SPRED1: variants seen among roughly 807,000 people sequenced by gnomAD.
The protein encoded by SPRED1 is sprouty-related, EVH1 domain-containing protein 1.
SPRED1 carries 18 observed loss-of-function variants against 52.3 expected under a neutral mutation model. The observed-to-expected ratio is 0.34, with a 90% CI of 0.24 to 0.51. The LOEUF (loss-of-function observed/expected upper bound fraction) is 0.51. Among genes scored for constraint, SPRED1 ranks in the 20% least tolerant of loss-of-function variants. The pLI, the probability that SPRED1 is intolerant of heterozygous loss-of-function variation, is 0.97. For missense variants in SPRED1, 485 were observed against 551.0 expected, an observed-to-expected ratio of 0.88 and a Z score of 1.20; for synonymous variants, 155 against 179.7, an observed-to-expected ratio of 0.86 and a Z score of 1.10.
intron 2 of SPRED1, among the ~76,000 whole-genome samples, chr15:38,311,533 A>G (rs1895367612): frequency 6.6e-6 from 1 of 152,174 alleles, no homozygotes; most frequent in Non-Finnish European, 1.5e-5. Context: ...AGAATTTTTC[A>G]TTGAAACTAT....
chr15:38,301,659 T>A (rs897173683), intron 2 of SPRED1, among the ~76,000 whole-genome samples: 2 of 152,150 alleles, frequency 1.3e-5, no homozygotes, highest in African/African-American at 4.8e-5. Flanking sequence ...GACGGTGATA[T>A]TGAAATGAGA....
At chr15:38,289,476 G>A (rs1894877388) in intron 1 of SPRED1, among the ~76,000 whole-genome samples, 1 of 151,072 alleles carries the variant, frequency 6.6e-6, no homozygotes, top group Non-Finnish European at 1.5e-5. Context: ...CCCCAAAGAT[G>A]GCCTTGCCCT....
At chr15:38,326,186 G>A (rs1254720072) in intron 4 of SPRED1, 1 of 152,236 alleles carries the variant, frequency 6.6e-6, no homozygotes. Flanking sequence ...TTATTTAGTG[G>A]CTGAAAGCTT....
intron 2 of SPRED1, among the ~76,000 whole-genome samples, chr15:38,316,748 G>GTTTT (rs1555390721): frequency 1.7e-4 from 7 of 41,896 alleles, no homozygotes; most frequent in East Asian, 1.5e-3. Context: ...TCCATTATAT[G>GTTTT]TTTTTTTTTT....
In SPRED1 at chr15:38,357,165, A is replaced by G. The variant is rs1182481111; in HGVS notation, c.*5501A>G. On this transcript the variant is annotated 3_prime_UTR_variant, in exon 7 of 7. Transcript: ENST00000299084. ...AAGCTGTAGTCACTCTTTAAATTGA[A>G]CTGCTCTAAGATTTGCAGTTTTAGT... The G allele has an allele frequency of 2.0e-5, 3 of 152,234 alleles. No homozygotes were observed. Among genetic ancestry groups the G allele is most frequent in the South Asian group, 2.1e-4 (1 of 4,832 alleles). 9.4% of individuals were successfully genotyped at this position (152,234 alleles called of 1,614,324 possible). A position where few individuals can be genotyped will look rare whatever the true frequency, so the allele number is the denominator to read the frequency against.
intron 1 of SPRED1, among the ~76,000 whole-genome samples, chr15:38,277,947 T>C (rs1347069207): frequency 6.6e-6 from 1 of 152,272 alleles, no homozygotes; most frequent in East Asian, 1.9e-4. Flanking sequence ...TTGCCTACTT[T>C]TTAATGGGGA....
In SPRED1 at chr15:38,351,305, A is replaced by G. The variant is rs1888479433; in HGVS notation, c.976A>G (p.Arg326Gly). Residue 326 changes from arginine to glycine, a missense_variant, in exon 7 of 7, where the codon AGA (arginine) becomes GGA (glycine). Arg to Gly is a moderately radical substitution (Grantham distance 125, BLOSUM62 -2). Coordinates refer to ENST00000299084, the MANE Select transcript of SPRED1 (RefSeq NM_152594.3). ...SSLKIKKSKRRKEDGERSRCV... is the reference protein window; with the variant it reads ...SSLKIKKSKRGKEDGERSRCV... ...ATTAAAAATTAAGAAGTCAAAACGAAGAAAAGAGGATGGTGAACGTTCTCG... is the reference window on the plus strand; with the variant it reads ...ATTAAAAATTAAGAAGTCAAAACGAGGAAAAGAGGATGGTGAACGTTCTCG... The G allele has an allele frequency of 1.2e-6, 2 of 1,614,040 alleles. No homozygotes were observed. The highest frequency in any genetic ancestry group is 2.2e-5 in the South Asian group (2 of 91,084).
Position 38,351,249 on chromosome 15 carries a change from A to G in SPRED1, c.920A>G (p.Asp307Gly), listed in dbSNP as rs764868020. 5.6e-6 allele frequency: 9 copies of G among 1,613,974 alleles called. No individual in the cohort carries two copies. The highest frequency in any genetic ancestry group is 1.7e-5 in the Admixed American group (1 of 59,956). Residue 307 changes from aspartate (D) to glycine (G), a missense_variant, in exon 7 of 7, where the codon GAC becomes GGC. Transcript: ENST00000299084. ...GDETKLSSPK[D>G]SVVFKTQPSS... ...GAGACTAAGTTAAGTTCACCCAAAG[A>G]CTCTGTGGTATTTAAGACGCAGCCT... is the stretch of plus-strand genomic sequence containing the variant.
chr15:38,351,782 A>AT lies in SPRED1; in HGVS notation c.*119dup. 7.9e-7 allele frequency: 1 copy of AT among 1,257,912 alleles called. No individual in the cohort carries two copies. Among genetic ancestry groups the AT allele is most frequent in the Non-Finnish European group, 1.1e-6 (1 of 894,210 alleles). 77.9% of individuals were successfully genotyped at this position (1,257,912 alleles called of 1,614,324 possible). ...TTGCCTGGTATCATTGAGCCCACAC[A>AT]TGGAGGAAGCAGAACTCATCAGTTC... On this transcript the variant is annotated 3_prime_UTR_variant, in exon 7 of 7. Transcript: ENST00000299084.
chr15:38,356,897 T>A lies in SPRED1; in HGVS notation c.*5233T>A, dbSNP rs1039317132. The A allele has an allele frequency of 1.3e-5, 2 of 152,174 alleles. No individual in the cohort carries two copies. The highest frequency in any genetic ancestry group is 3.8e-4 in the East Asian group (2 of 5,198). The allele number at this position is 152,174 out of a possible 1,614,324, so 9.4% of individuals were successfully genotyped here. A position where few individuals can be genotyped will look rare whatever the true frequency, so the allele number is the denominator to read the frequency against. On this transcript the variant is annotated 3_prime_UTR_variant, in exon 7 of 7. Coordinates refer to ENST00000299084, the MANE Select transcript of SPRED1 (RefSeq NM_152594.3). ...AATAAGTTGGATTACTATATTATAG[T>A]TTATTTGAAAAATCAAGGAGTAACT...
chr15:38,330,910 C>G (rs910076368), intron 4 of SPRED1, among the ~76,000 whole-genome samples: 1 of 151,954 alleles, frequency 6.6e-6, no homozygotes, highest in Admixed American at 6.6e-5. Context: ...TAAATTTTCT[C>G]TAAGAACTAG....
At chr15:38,310,228 C>T (rs989690075) in intron 2 of SPRED1, among the ~76,000 whole-genome samples, 3 of 150,878 alleles carry the variant, frequency 2.0e-5, no homozygotes, top group African/African-American at 7.3e-5. Flanking sequence ...GCAACCTCTG[C>T]CTCCCAGGTT....
chr15:38,343,094 GT>G (rs1263214377), intron 5 of SPRED1, among the ~76,000 whole-genome samples: 1 of 152,042 alleles, frequency 6.6e-6, no homozygotes, highest in Non-Finnish European at 1.5e-5. Flanking sequence ...CAGTGATGGA[GT>G]AAGGAAAGGA....
chr15:38,308,120 C>T (rs1015232968), intron 2 of SPRED1, among the ~76,000 whole-genome samples: 1 of 152,138 alleles, frequency 6.6e-6, no homozygotes, highest in Non-Finnish European at 1.5e-5. Context: ...ATGTTCTCCA[C>T]CTCCCCAGAC....
chr15:38,287,116 A>C (rs1322221648), intron 1 of SPRED1, among the ~76,000 whole-genome samples: 1 of 152,174 alleles, frequency 6.6e-6, no homozygotes, highest in Non-Finnish European at 1.5e-5. Flanking sequence ...TTTATTTAAA[A>C]TGTGTAATAA....
intron 5 of SPRED1, among the ~76,000 whole-genome samples, chr15:38,345,893 A>G (rs1268868074): frequency 6.6e-6 from 1 of 152,158 alleles, no homozygotes; most frequent in African/African-American, 2.4e-5. Flanking sequence ...GTCTAAAACA[A>G]AAGGCCGATA....
intron 1 of SPRED1, among the ~76,000 whole-genome samples, chr15:38,282,155 G>T (rs1363537276): frequency 6.6e-6 from 1 of 152,020 alleles, no homozygotes; most frequent in Non-Finnish European, 1.5e-5. Flanking sequence ...AATGAGTGTT[G>T]GTTGGTTTAC....
At chr15:38,290,543 C>T (rs1566856801) in intron 1 of SPRED1, among the ~76,000 whole-genome samples, 1 of 152,132 alleles carries the variant, frequency 6.6e-6, no homozygotes, top group African/African-American at 2.4e-5. Flanking sequence ...AGTTTGTTTT[C>T]ATGCTGCTGA....
At chr15:38,333,617 C>T (rs1217648623) in intron 4 of SPRED1, among the ~76,000 whole-genome samples, 2 of 151,994 alleles carry the variant, frequency 1.3e-5, no homozygotes, top group African/African-American at 2.4e-5. Context: ...AACAGTGTGA[C>T]AGTACCTAGT....
Sources: allele counts gnomAD v4.1 joint callset (sites outside exome capture counted in the v4.1 genomes callset), GRCh38; gene constraint gnomAD v4.1.1; transcripts MANE v1.5; gene names NCBI Gene and HGNC (gene_info 2026-07-23, HGNC 2026-07-21).